Variants in UTRN observed in about 807,000 individuals in gnomAD.
UTRN encodes the protein utrophin.
UTRN carries 283 observed loss-of-function variants against 463.9 expected under a neutral mutation model. The observed-to-expected ratio is 0.61, with a 90% confidence interval of 0.55 to 0.67. The LOEUF (loss-of-function observed/expected upper bound fraction) is 0.67, where lower values mean the gene tolerates loss of function less well. Among genes scored for constraint, UTRN ranks in the 30% least tolerant of loss-of-function variants. The pLI is 0.00. For synonymous variants in UTRN, 1,442 were observed against 1,431.5 expected, an observed-to-expected ratio of 1.01 and a Z score of -0.17; for missense variants, 3,922 against 4,084.3, an observed-to-expected ratio of 0.96 and a Z score of 1.08.
At chr6:144,289,965 C>G (rs1804059519) in intron 1 of UTRN, among the ~76,000 whole-genome samples, 1 of 152,152 alleles carries the variant, frequency 6.6e-6, no homozygotes, top group Admixed American at 6.5e-5. Context: ...AGTTTTCCCA[C>G]TTATTTTACA....
intron 51 of UTRN, among the ~76,000 whole-genome samples, chr6:144,644,490 C>T (rs894162116): frequency 6.6e-6 from 1 of 151,848 alleles, no homozygotes. Flanking sequence ...ATAATAATCT[C>T]AAGAAGTTCT....
At position 144,330,915 on chromosome 6, in the gene UTRN, G is replaced by T. The variant is rs1249937044; in HGVS notation, c.79+39008G>T. ...TTTGTGACTTCAGAAATCATGCACTGTTGGTTTGGGAGTCTTAACTACATT... is the reference window on the plus strand; with the variant it reads ...TTTGTGACTTCAGAAATCATGCACTTTTGGTTTGGGAGTCTTAACTACATT... On this transcript the variant is annotated intron_variant, in intron 2 of 74. Transcript: ENST00000367545. 1.0e-5 allele frequency: 10 copies of T among 985,406 alleles called. No individual in the cohort carries two copies. In the African/African-American group the frequency reaches 1.7e-4, roughly 17 times the overall value. The allele number at this position is 985,406 out of a possible 1,614,324, so 61.0% of individuals were successfully genotyped here.
At chr6:144,831,148 G>A (rs1780640181) in intron 69 of UTRN, among the ~76,000 whole-genome samples, 1 of 152,160 alleles carries the variant, frequency 6.6e-6, no homozygotes, top group Admixed American at 6.6e-5. Flanking sequence ...GAAGGCATTT[G>A]TGGTAAACAG....
intron 51 of UTRN, among the ~76,000 whole-genome samples, chr6:144,651,355 T>C (rs935244812): frequency 1.3e-5 from 2 of 152,184 alleles, no homozygotes; most frequent in Non-Finnish European, 2.9e-5. Flanking sequence ...AGTGAATGTC[T>C]TTCTTGATAA....
rs766305681 is a variant in UTRN, at chr6:144,797,851, A to G, written c.9106A>G (p.Lys3036Glu). 3 of 1,613,898 alleles carry G rather than the reference A, an allele frequency of 1.9e-6. No homozygotes were observed. Among genetic ancestry groups the G allele is most frequent in the Non-Finnish European group, 2.5e-6 (3 of 1,179,976 alleles). ...TAACAATAAACCAGAAATAAGTGTGAAAGAGTTTATAGATTGGATGCATTT... is the reference window on the plus strand; with the variant it reads ...TAACAATAAACCAGAAATAAGTGTGGAAGAGTTTATAGATTGGATGCATTT... ...QNNNKPEISVKEFIDWMHLEP... is the reference protein window; with the variant it reads ...QNNNKPEISVEEFIDWMHLEP... The change falls in exon 64 of 75, where the codon AAA becomes GAA. Residue 3036 changes from lysine to glutamate, a missense_variant. Physicochemically the swap from Lys to Glu is moderately conservative, Grantham distance 56. Coordinates refer to ENST00000367545, the MANE Select transcript of UTRN (RefSeq NM_007124.3).
chr6:144,424,150 G>A (rs747900282), intron 6 of UTRN, 72 bp downstream of exon 6: 9 of 1,511,068 alleles, frequency 6.0e-6, no homozygotes, highest in Non-Finnish European at 7.3e-6. Flanking sequence ...TCTTAAGGCT[G>A]CCGTAACCAA....
chr6:144,451,435 C>T lies in UTRN; in HGVS notation c.2138C>T (p.Thr713Ile), dbSNP rs778898299. The T allele has an allele frequency of 5.6e-6, 9 of 1,613,072 alleles. No individual in the cohort carries two copies. In the Admixed American group the frequency reaches 8.3e-5, roughly 15 times the overall value. ...AAATGGAAAACTGCCATTCAGACCA[C>T]AGAGATAAAAGAGTATATGAAGATG... ...ILKWKTAIQT[T>I]EIKEYMKMQD... The change falls in exon 18 of 75, where the codon ACA becomes ATA. Residue 713 changes from threonine to isoleucine, a missense_variant. By Grantham distance (89) the Thr-to-Ile change is moderately conservative (BLOSUM62 -1). Coordinates refer to ENST00000367545, the MANE Select transcript of UTRN (RefSeq NM_007124.3).
intron 53 of UTRN, chr6:144,708,444 C>T (rs769558839): frequency 9.0e-5 from 56 of 620,504 alleles, no homozygotes; most frequent in Non-Finnish European, 9.3e-5. Flanking sequence ...GAGGCTCTGA[C>T]TCCTCGGGCC....
intron 3 of UTRN, among the ~76,000 whole-genome samples, chr6:144,404,584 CA>C (rs2114800832): frequency 6.6e-6 from 1 of 152,294 alleles, no homozygotes; most frequent in African/African-American, 2.4e-5. Context: ...ACAAGTGAAG[CA>C]GTTTTTAGCA....
At chr6:144,782,877 T>A (rs1775967184) in intron 61 of UTRN, among the ~76,000 whole-genome samples, 1 of 152,058 alleles carries the variant, frequency 6.6e-6, no homozygotes, top group South Asian at 2.1e-4. Flanking sequence ...GGTGGGAGGT[T>A]AAAGTATGCA....
At chr6:144,567,846 T>TA (rs1012527074) in intron 50 of UTRN, among the ~76,000 whole-genome samples, 45 of 152,292 alleles carry the variant, frequency 3.0e-4, no homozygotes, top group African/African-American at 1.1e-3. Flanking sequence ...TTAAACTCTT[T>TA]AAAAAGAGAG....
intron 74 of UTRN, among the ~76,000 whole-genome samples, chr6:144,847,742 T>C (rs1782145612): frequency 6.6e-6 from 1 of 152,218 alleles, no homozygotes; most frequent in South Asian, 2.1e-4. Context: ...GTGAGCAATT[T>C]GTGAGGGAGG....
rs1344732273 is a variant in UTRN at position 144,548,656 on chromosome 6, A to G, written c.6612A>G (p.Gln2204=). The G allele has an allele frequency of 6.2e-6, 10 of 1,613,502 alleles. No individual in the cohort carries two copies. The highest frequency in any genetic ancestry group is 2.7e-5 in the African/African-American group (2 of 74,918). The part of the protein sequence containing the change: ...QTRIAAHPNV[Q]KVVLVSSASD... ...TCATTTCAGCTCATCCTAATGTCCA[A>G]AAGGTGGTGCTAGTATCATCTGCGT... The change falls in exon 47 of 75, where the codon CAA becomes CAG. Residue 2204 remains glutamine, a synonymous_variant. Coordinates refer to ENST00000367545, the MANE Select transcript of UTRN (RefSeq NM_007124.3).
At position 144,836,420 on chromosome 6, in the gene UTRN, T is replaced by G. The variant is rs528268706; in HGVS notation, c.9944T>G (p.Ile3315Arg). ...PHHTSEDSEL[I>R]AEAKLLRQHK... is the part of the protein sequence containing the mutation. ...CACACGTCTGAGGATTCAGAACTTATAGCAGAAGCAAAACTCCTCAGGCAG... is the reference window on the plus strand; with the variant it reads ...CACACGTCTGAGGATTCAGAACTTAGAGCAGAAGCAAAACTCCTCAGGCAG... Residue 3315 changes from isoleucine (I) to arginine (R), a missense_variant, in exon 71 of 75, where the codon ATA becomes AGA. Physicochemically the swap from Ile to Arg is moderately conservative, Grantham distance 97. Coordinates refer to ENST00000367545, the MANE Select transcript of UTRN (RefSeq NM_007124.3). 6.8e-6 allele frequency: 11 copies of G among 1,613,590 alleles called. No individual in the cohort carries two copies. The East Asian group carries it at 2.0e-4, about 29-fold the overall frequency.
chr6:144,638,559 C>T lies in UTRN; in HGVS notation c.7480-39847C>T, dbSNP rs10499232. Among the ~76,000 whole-genome samples, 5 of 152,210 alleles carry T rather than the reference C, an allele frequency of 3.3e-5. No homozygotes were observed. The East Asian group carries it at 9.7e-4, about 30-fold the overall frequency. On this transcript the variant is annotated intron_variant, in intron 51 of 74. Coordinates refer to ENST00000367545, the MANE Select transcript of UTRN (RefSeq NM_007124.3). ...AGGTCTGTCATAGTTCTGTCTTTGT[C>T]ACTGTATGTAGAATTTCATAGTGAT...
At chr6:144,402,989 G>T in intron 2 of UTRN, 134 bp from the exon 3 acceptor site, 1 of 748,470 alleles carries the variant, frequency 1.3e-6, no homozygotes, top group Non-Finnish European at 2.3e-6. Context: ...CATTAGCTCC[G>T]CCTCATTGTG....
intron 60 of UTRN, among the ~76,000 whole-genome samples, chr6:144,774,941 C>T (rs895825274): frequency 6.6e-6 from 1 of 152,088 alleles, no homozygotes; most frequent in African/African-American, 2.4e-5. Flanking sequence ...CGCAAAATAA[C>T]CTAAAATTAA....
At chr6:144,713,382 G>T (rs949884610) in intron 53 of UTRN, among the ~76,000 whole-genome samples, 2 of 151,846 alleles carry the variant, frequency 1.3e-5, no homozygotes, top group African/African-American at 4.8e-5. Context: ...GATGTGAGTG[G>T]ATCACCTGAG....
At chr6:144,549,824 G>T (rs140897036) in intron 47 of UTRN, among the ~76,000 whole-genome samples, 5 of 152,348 alleles carry the variant, frequency 3.3e-5, no homozygotes, top group Admixed American at 6.5e-5. Context: ...AATACAGTGT[G>T]AAACAAGGCA....
Sources: allele counts gnomAD v4.1 joint callset (sites outside exome capture counted in the v4.1 genomes callset), GRCh38; gene constraint gnomAD v4.1.1; transcripts MANE v1.5; gene names NCBI Gene and HGNC (gene_info 2026-07-23, HGNC 2026-07-21).